The following INPP5D variants were observed in gnomAD, a reference collection of about 807,000 sequenced individuals.
The protein encoded by INPP5D is phosphatidylinositol 3,4,5-trisphosphate 5-phosphatase 1.
In INPP5D, 33 loss-of-function variants were observed where a neutral mutation model predicts 122.9. That is an observed-to-expected ratio of 0.27 (90% confidence interval 0.20 to 0.36). The LOEUF (loss-of-function observed/expected upper bound fraction) is 0.36, where lower values mean the gene tolerates loss of function less well. Ranked by LOEUF, INPP5D falls within the 10% of genes least tolerant of loss-of-function variation. INPP5D has a pLI of 1.00. For synonymous variants in INPP5D, 584 were observed against 576.2 expected (o/e 1.01, Z -0.19); for missense variants, 1,053 against 1,412.7 (o/e 0.75, Z 4.08).
chr2:233,063,230 G>A (rs375651894), intron 1 of INPP5D, among the ~76,000 whole-genome samples: 69 of 152,312 alleles, frequency 4.5e-4, no homozygotes, highest in African/African-American at 1.6e-3. Context: ...GACTGCAGAA[G>A]GAAGCCACAC....
intron 9 of INPP5D, among the ~76,000 whole-genome samples, chr2:233,150,298 T>G (rs1693889383): frequency 6.6e-6 from 1 of 152,124 alleles, no homozygotes; most frequent in African/African-American, 2.4e-5. Context: ...GATCTGATGG[T>G]TTTATAAAGG....
At chr2:233,180,548 G>C (rs940064964) in intron 18 of INPP5D, among the ~76,000 whole-genome samples, 1 of 151,776 alleles carries the variant, frequency 6.6e-6, no homozygotes, top group Non-Finnish European at 1.5e-5. Context: ...TTTTTGTTTT[G>C]TTTTGTTTTT....
chr2:233,206,725 C>T lies in INPP5D; in HGVS notation c.*17C>T. The T allele has an allele frequency of 1.3e-6, 1 of 769,712 alleles. No homozygotes were observed. Among genetic ancestry groups the T allele is most frequent in the Non-Finnish European group, 2.4e-6 (1 of 413,002 alleles). The allele number at this position is 769,712 out of a possible 1,614,324, so 47.7% of individuals were successfully genotyped here. A position where few individuals can be genotyped will look rare whatever the true frequency, so the allele number is the denominator to read the frequency against. ...CCACAGTGAAGCCCTCAGTGAGCTGCCACTGAGTCGGGAGCCCAGAGGAAC... is the reference window on the plus strand; with the variant it reads ...CCACAGTGAAGCCCTCAGTGAGCTGTCACTGAGTCGGGAGCCCAGAGGAAC... On this transcript the variant is annotated 3_prime_UTR_variant, in exon 27 of 27. Transcript: ENST00000445964. This position sits in a 1 kb window ranked among gnomAD's most constrained non-coding sequence, Gnocchi z 4.0.
chr2:233,166,191 C>T (rs1034317991), intron 13 of INPP5D, among the ~76,000 whole-genome samples: 18 of 152,140 alleles, frequency 1.2e-4, no homozygotes, highest in African/African-American at 3.9e-4. Flanking sequence ...TGGATTCCAT[C>T]GCTCCCTGGG....
rs558522784 is a variant in INPP5D at position 233,198,241 on chromosome 2, C to T, written c.2840C>T (p.Pro947Leu). 33 of 1,613,500 alleles carry T rather than the reference C, an allele frequency of 2.0e-5. No individual in the cohort carries two copies. The highest frequency in any genetic ancestry group is 1.6e-4 in the Middle Eastern group (1 of 6,082). Residue 947 changes from proline (P) to leucine (L), a missense_variant, in exon 25 of 27, where the codon CCG (proline) becomes CTG (leucine). This residue lies in a region of INPP5D where 417 missense variants were observed against 425.8 expected (regional missense o/e 0.98). Coordinates refer to ENST00000445964, the MANE Select transcript of INPP5D (RefSeq NM_001017915.3). ...QQPTAWSYDQPPKDSPLGPCR... is the reference protein window; with the variant it reads ...QQPTAWSYDQLPKDSPLGPCR... ...CCCACAGCCTGGAGCTACGACCAGC[C>T]GCCCAAGGACTCCCCGCTGGGGCCC...
Position 233,169,215 on chromosome 2 carries a change from C to A in INPP5D, c.1556-90C>A. ...TCCCTTGCCAGCTCCTCACTCACTG[C>A]CCCTCTCACCCTGCCTTCGGGTGAT... On this transcript the variant is annotated intron_variant, in intron 13 of 26. Coordinates refer to ENST00000445964, the MANE Select transcript of INPP5D (RefSeq NM_001017915.3). 3.3e-6 allele frequency: 5 copies of A among 1,530,168 alleles called. No individual in the cohort carries two copies. The South Asian group carries it at 3.6e-5, about 11-fold the overall frequency. The allele number at this position is 1,530,168 out of a possible 1,614,324, so 94.8% of individuals were successfully genotyped here. A position where few individuals can be genotyped will look rare whatever the true frequency, so the allele number is the denominator to read the frequency against.
At chr2:233,115,373 T>A (rs1193428786) in intron 2 of INPP5D, among the ~76,000 whole-genome samples, 1 of 152,184 alleles carries the variant, frequency 6.6e-6, no homozygotes. Flanking sequence ...AAGTTAAAAT[T>A]ACCCACTGGG....
At chr2:233,192,786 G>A (rs182084683) in intron 22 of INPP5D, among the ~76,000 whole-genome samples, 36 of 152,264 alleles carry the variant, frequency 2.4e-4, no homozygotes, top group African/African-American at 8.2e-4. Flanking sequence ...CATGTTTGCC[G>A]GATCAGAGGG....
Position 233,170,675 on chromosome 2 carries a change from G to A in INPP5D, c.1900+71G>A, listed in dbSNP as rs756754835. Reference sequence around the variant, plus strand: ...TCCCAGCACTTTAGGAGGCCGAGGCGGGCGGATCACGAGATCAGGAGATGG... The same window carrying A: ...TCCCAGCACTTTAGGAGGCCGAGGCAGGCGGATCACGAGATCAGGAGATGG... On this transcript the variant is annotated intron_variant, in intron 16 of 26. Transcript: ENST00000445964. This position sits in a 1 kb window ranked among gnomAD's most constrained non-coding sequence, Gnocchi z 4.5. The A allele has an allele frequency of 7.8e-5, 123 of 1,569,556 alleles. No homozygotes were observed. The highest frequency in any genetic ancestry group is 2.2e-4 in the Middle Eastern group (1 of 4,478).
chr2:233,092,171 A>T (rs951028848), intron 2 of INPP5D, among the ~76,000 whole-genome samples: 1 of 152,156 alleles, frequency 6.6e-6, no homozygotes, highest in Admixed American at 6.6e-5. Flanking sequence ...GGGCGGCCGG[A>T]GTGACTGGGG....
At chr2:233,202,932 G>A (rs562844612) in intron 25 of INPP5D, among the ~76,000 whole-genome samples, 23 of 152,310 alleles carry the variant, frequency 1.5e-4, no homozygotes, top group African/African-American at 4.3e-4. Flanking sequence ...CCCAGTACTC[G>A]CAAGTGTCCA....
At chr2:233,192,282 G>A (rs1429310092) in intron 22 of INPP5D, among the ~76,000 whole-genome samples, 3 of 152,140 alleles carry the variant, frequency 2.0e-5, no homozygotes, top group Non-Finnish European at 4.4e-5. Flanking sequence ...TCTGCGACAC[G>A]GCAAGACCAT....
intron 14 of INPP5D, 136 bp downstream of exon 14, chr2:233,169,537 A>G: frequency 7.4e-7 from 1 of 1,353,076 alleles, no homozygotes; most frequent in South Asian, 1.5e-5. Flanking sequence ...TTCAGGGCCC[A>G]CCACAGTCTC....
intron 1 of INPP5D, among the ~76,000 whole-genome samples, chr2:233,070,790 A>T (rs2106201188): frequency 6.6e-6 from 1 of 152,290 alleles, no homozygotes; most frequent in South Asian, 2.1e-4. Flanking sequence ...CCCCTTTCGA[A>T]AACCAGTGCT....
chr2:233,200,534 G>A (rs1189226209), intron 25 of INPP5D, among the ~76,000 whole-genome samples: 1 of 152,238 alleles, frequency 6.6e-6, no homozygotes, highest in Non-Finnish European at 1.5e-5. Context: ...GCCAGCAGCG[G>A]TGTGTTCTCC....
chr2:233,125,194 G>A (rs984070417), intron 3 of INPP5D, among the ~76,000 whole-genome samples: 2 of 152,236 alleles, frequency 1.3e-5, no homozygotes, highest in Non-Finnish European at 2.9e-5. Flanking sequence ...GAACCCCCTC[G>A]CTTTCTTTTA....
intron 1 of INPP5D, among the ~76,000 whole-genome samples, chr2:233,068,611 T>C (rs974252709): frequency 2.0e-5 from 3 of 151,670 alleles, no homozygotes; most frequent in Non-Finnish European, 2.9e-5. Context: ...AAAATCGTGC[T>C]GGCAATTAGT....
intron 12 of INPP5D, 78 bp downstream of exon 12, chr2:233,163,981 G>A (rs1290191207): frequency 5.2e-6 from 8 of 1,527,028 alleles, no homozygotes; most frequent in South Asian, 2.5e-5. Flanking sequence ...AGGCAAGGGT[G>A]GGCTCAGCCT....
At position 233,160,503 on chromosome 2, in the gene INPP5D, G is replaced by A. The variant is rs558453084; in HGVS notation, c.1138-1221G>A. On this transcript the variant is annotated intron_variant, in intron 10 of 26. Coordinates refer to ENST00000445964, the MANE Select transcript of INPP5D (RefSeq NM_001017915.3). The surrounding 1 kb of genome is among the most constrained non-coding windows in gnomAD (Gnocchi z 4.2). Reference sequence around the variant, plus strand: ...GTAATCTATTCTCCTTGGTGAAGACGTGGCAAACACAAACAAGCAAATGTT... The same window carrying A: ...GTAATCTATTCTCCTTGGTGAAGACATGGCAAACACAAACAAGCAAATGTT... Among the ~76,000 whole-genome samples the A allele has an allele frequency of 3.3e-5, 5 of 152,274 alleles. No individual in the cohort carries two copies. In the East Asian group the frequency reaches 5.8e-4, roughly 18 times the overall value.
Sources: allele counts gnomAD v4.1 joint callset (sites outside exome capture counted in the v4.1 genomes callset), GRCh38; gene constraint gnomAD v4.1.1; regional missense constraint gnomAD v4.1.1; non-coding constraint Gnocchi (gnomAD v3.1); transcripts MANE v1.5; gene names NCBI Gene and HGNC (gene_info 2026-07-23, HGNC 2026-07-21).